ZNF555: variants seen among roughly 807,000 people sequenced by gnomAD.
The protein encoded by ZNF555 is zinc finger protein 555.
In ZNF555, 10 loss-of-function variants were observed where a neutral mutation model predicts 14.0. The observed-to-expected ratio is 0.72, with a 90% confidence interval of 0.44 to 1.21. The LOEUF is 1.21. Among genes scored for constraint, ZNF555 ranks in the 50% most tolerant of loss-of-function variants. The pLI is 0.00. For missense variants in ZNF555, 747 were observed against 762.0 expected (o/e 0.98, Z 0.23); for synonymous variants, 277 against 262.4 (o/e 1.06, Z -0.54).
At chr19:2,843,009 C>G (rs577621919) in intron 1 of ZNF555, among the ~76,000 whole-genome samples, 1 of 151,394 alleles carries the variant, frequency 6.6e-6, no homozygotes, top group Non-Finnish European at 1.5e-5. Context: ...CGCCATTGCA[C>G]TCCAGCCTGG....
chr19:2,851,642 G>A lies in ZNF555; in HGVS notation c.305G>A (p.Arg102Lys). Residue 102 changes from arginine (R) to lysine (K), a missense_variant, in exon 3 of 4, where the codon AGA becomes AAA. Physicochemically the swap from Arg to Lys is conservative, Grantham distance 26. Transcript: ENST00000334241. ...GAAGATCAAACCACAAACCAGGGGA[G>A]AAATCTCAGGTGAGTTGCACTCACA... is the stretch of plus-strand genomic sequence containing the variant. ...SIEDQTTNQGRNLSRNHGLER... is the reference protein window; with the variant it reads ...SIEDQTTNQGKNLSRNHGLER... The A allele has an allele frequency of 6.3e-7, 1 of 1,578,614 alleles. No homozygotes were observed. The highest frequency in any genetic ancestry group is 8.6e-7 in the Non-Finnish European group (1 of 1,166,378).
intron 1 of ZNF555, among the ~76,000 whole-genome samples, chr19:2,844,689 A>C (rs957209448): frequency 1.3e-5 from 2 of 152,220 alleles, no homozygotes; most frequent in Non-Finnish European, 2.9e-5. Flanking sequence ...CTCTATTGGG[A>C]TGAGAACCCT....
rs2144843969 is a variant in ZNF555 at position 2,844,584 on chromosome 19, C to T, written c.3+3009C>T. 1.3e-5 allele frequency among the ~76,000 whole-genome samples: 2 copies of T among 152,346 alleles called. 1 individual carries two copies. The highest frequency in any genetic ancestry group is 4.1e-4 in the South Asian group (2 of 4,832). On this transcript the variant is annotated intron_variant, in intron 1 of 3. Coordinates refer to ENST00000334241, the MANE Select transcript of ZNF555 (RefSeq NM_152791.5). Reference sequence around the variant, plus strand: ...CGGCTGGTCACAGAGGTCCCCTGTGCCTGGCTGTGCCAAGATTTCAGACAC... The same window carrying T: ...CGGCTGGTCACAGAGGTCCCCTGTGTCTGGCTGTGCCAAGATTTCAGACAC...
chr19:2,850,222 G>T (rs1337800378), intron 1 of ZNF555, among the ~76,000 whole-genome samples: 1 of 152,222 alleles, frequency 6.6e-6, no homozygotes, highest in African/African-American at 2.4e-5. Context: ...GAATGATGGT[G>T]TGTGCAGCAG....
rs1428468199 is a variant in ZNF555, at chr19:2,851,640, G to A, written c.303G>A (p.Gly101=). 14 of 1,581,108 alleles carry A rather than the reference G, an allele frequency of 8.9e-6. No individual in the cohort carries two copies. The highest frequency in any genetic ancestry group is 1.1e-5 in the Non-Finnish European group (13 of 1,167,704). ...TCGAAGATCAAACCACAAACCAGGG[G>A]AGAAATCTCAGGTGAGTTGCACTCA... The part of the protein sequence containing the change: ...LSIEDQTTNQ[G]RNLSRNHGLE... Residue 101 remains glycine, a synonymous_variant, in exon 3 of 4, where the codon GGG becomes GGA. Transcript: ENST00000334241.
chr19:2,846,585 C>G (rs1440023168), intron 1 of ZNF555, among the ~76,000 whole-genome samples: 1 of 152,196 alleles, frequency 6.6e-6, no homozygotes, highest in Non-Finnish European at 1.5e-5. Flanking sequence ...TAGCAGTGGA[C>G]ATAGTGAGGA....
intron 1 of ZNF555, among the ~76,000 whole-genome samples, chr19:2,846,232 A>G (rs1002580435): frequency 2.0e-5 from 3 of 152,222 alleles, no homozygotes; most frequent in Non-Finnish European, 4.4e-5. Context: ...CTTTGTGGGA[A>G]GTTCAGGAAC....
At position 2,853,694 on chromosome 19, in the gene ZNF555, G is replaced by T. The variant is rs774763801; in HGVS notation, c.1629G>T (p.Lys543Asn). ...EKPYECKECGKVFKWPSSLPI... is the reference protein window; with the variant it reads ...EKPYECKECGNVFKWPSSLPI... ...CCTATGAATGTAAGGAATGTGGGAA[G>T]GTCTTCAAATGGCCATCATCTTTAC... Residue 543 changes from lysine to asparagine, a missense_variant, in exon 4 of 4, where the codon AAG becomes AAT. Transcript: ENST00000334241. 1 of 1,576,262 alleles carries T rather than the reference G, an allele frequency of 6.3e-7. No individual in the cohort carries two copies. Among genetic ancestry groups the T allele is most frequent in the Admixed American group, 1.8e-5 (1 of 55,356 alleles).
At position 2,857,038 on chromosome 19, in the gene ZNF555, G is replaced by A. The variant is rs2087688826; in HGVS notation, c.*3086G>A. 6.6e-6 allele frequency: 1 copy of A among 152,186 alleles called. No homozygotes were observed. Among genetic ancestry groups the A allele is most frequent in the African/African-American group, 2.4e-5 (1 of 41,442 alleles). 9.4% of individuals were successfully genotyped at this position (152,186 alleles called of 1,614,324 possible). ...TTTAATGAGCCAGAAAGCCCCAAAAGCCTATTTAAGTTTTCTCAGGTATCA... is the reference window on the plus strand; with the variant it reads ...TTTAATGAGCCAGAAAGCCCCAAAAACCTATTTAAGTTTTCTCAGGTATCA... On this transcript the variant is annotated 3_prime_UTR_variant, in exon 4 of 4. Transcript: ENST00000334241.
rs1393050449 is a variant in ZNF555 at position 2,858,615 on chromosome 19, G to A, written c.*4663G>A. 2 of 152,234 alleles carry A rather than the reference G, an allele frequency of 1.3e-5. No homozygotes were observed. Among genetic ancestry groups the A allele is most frequent in the African/African-American group, 4.8e-5 (2 of 41,410 alleles). The allele number at this position is 152,234 out of a possible 1,614,324, so 9.4% of individuals were successfully genotyped here. ...CTTCATGCTGGGAAACGTCTTTATG[G>A]ATCCCCAAACTCCTCTTGCTGTTGG... On this transcript the variant is annotated 3_prime_UTR_variant, in exon 4 of 4. Coordinates refer to ENST00000334241, the MANE Select transcript of ZNF555 (RefSeq NM_152791.5).
rs1785362522 is a variant in ZNF555 at position 2,856,683 on chromosome 19, A to G, written c.*2731A>G. The G allele has an allele frequency of 6.6e-6, 1 of 152,234 alleles. No individual in the cohort carries two copies. 9.4% of individuals were successfully genotyped at this position (152,234 alleles called of 1,614,324 possible). ...CTGTGGCTTGTATCAGAGGGTGTTT[A>G]AAAGGATTTACTATCAGATTTGGCC... On this transcript the variant is annotated 3_prime_UTR_variant, in exon 4 of 4. Transcript: ENST00000334241.
In ZNF555 at chr19:2,859,830, T is replaced by C. The variant is rs2087717172; in HGVS notation, c.*5878T>C. On this transcript the variant is annotated 3_prime_UTR_variant, in exon 4 of 4. Coordinates refer to ENST00000334241, the MANE Select transcript of ZNF555 (RefSeq NM_152791.5). ...AACTCATTCTTTGATGTTCAGATGG[T>C]TGTGGCCCTCTGATGAGATGTGTGC... 6.6e-6 allele frequency: 1 copy of C among 152,214 alleles called. No individual in the cohort carries two copies. The highest frequency in any genetic ancestry group is 1.5e-5 in the Non-Finnish European group (1 of 68,044). The allele number at this position is 152,214 out of a possible 1,614,324, so 9.4% of individuals were successfully genotyped here.
chr19:2,850,319 A>G (rs2087618051), intron 1 of ZNF555, among the ~76,000 whole-genome samples: 1 of 152,242 alleles, frequency 6.6e-6, no homozygotes, highest in Non-Finnish European at 1.5e-5. Context: ...TTTGTTTGAT[A>G]TCTCCAATGT....
rs2087687465 is a variant in ZNF555 at position 2,856,885 on chromosome 19, A to T, written c.*2933A>T. ...CACAGCAGCCAGTCATATGGGGGAGAAGAGGGGAATGTTTGATGGTTTTTG... is the reference window on the plus strand; with the variant it reads ...CACAGCAGCCAGTCATATGGGGGAGTAGAGGGGAATGTTTGATGGTTTTTG... On this transcript the variant is annotated 3_prime_UTR_variant, in exon 4 of 4. Coordinates refer to ENST00000334241, the MANE Select transcript of ZNF555 (RefSeq NM_152791.5). 6.6e-6 allele frequency: 1 copy of T among 152,170 alleles called. No homozygotes were observed. Among genetic ancestry groups the T allele is most frequent in the South Asian group, 2.1e-4 (1 of 4,832 alleles). 9.4% of individuals were successfully genotyped at this position (152,170 alleles called of 1,614,324 possible). A position where few individuals can be genotyped will look rare whatever the true frequency, so the allele number is the denominator to read the frequency against.
At chr19:2,845,927 A>G (rs1201727279) in intron 1 of ZNF555, among the ~76,000 whole-genome samples, 1 of 152,160 alleles carries the variant, frequency 6.6e-6, no homozygotes, top group African/African-American at 2.4e-5. Flanking sequence ...GGTAAGTACA[A>G]AACAAGTCCA....
Position 2,852,658 on chromosome 19 carries a change from G to A in ZNF555, c.593G>A (p.Arg198Lys), listed in dbSNP as rs1465208932. 6.2e-7 allele frequency: 1 copy of A among 1,614,190 alleles called. No individual in the cohort carries two copies. ...CATGTGAGAACCCACAATGGAGAGA[G>A]ACCCTATGTGTGTAAATTATGTGGG... ...RMHVRTHNGE[R>K]PYVCKLCGKT... The change falls in exon 4 of 4, where the codon AGA (arginine) becomes AAA (lysine). Residue 198 changes from arginine (R) to lysine (K), a missense_variant. Transcript: ENST00000334241.
Position 2,854,314 on chromosome 19 carries a change from C to A in ZNF555, c.*362C>A. 4.6e-6 allele frequency: 1 copy of A among 217,028 alleles called. No individual in the cohort carries two copies. Among genetic ancestry groups the A allele is most frequent in the Non-Finnish European group, 9.2e-6 (1 of 108,792 alleles). The allele number at this position is 217,028 out of a possible 1,614,324, so 13.4% of individuals were successfully genotyped here. On this transcript the variant is annotated 3_prime_UTR_variant, in exon 4 of 4. Transcript: ENST00000334241. ...ATTCCATTTTTTAAGAAGTAGTTGGCAGAATTTTGTAATTATGCAAAGTTG... is the reference window on the plus strand; with the variant it reads ...ATTCCATTTTTTAAGAAGTAGTTGGAAGAATTTTGTAATTATGCAAAGTTG...
intron 1 of ZNF555, 34 bp downstream of exon 1, chr19:2,841,609 G>C: frequency 6.7e-7 from 1 of 1,486,376 alleles, no homozygotes; most frequent in South Asian, 1.3e-5. Context: ...CCCGGTGCGG[G>C]GCAGCAGGAA....
At chr19:2,848,391 A>G (rs1004303168) in intron 1 of ZNF555, among the ~76,000 whole-genome samples, 4 of 149,736 alleles carry the variant, frequency 2.7e-5, no homozygotes, top group African/African-American at 9.9e-5. Flanking sequence ...TGACCTCGTG[A>G]TCCACCTGCC....
Sources: gnomAD v4.1 joint callset for allele counts (sites outside exome capture counted in the v4.1 genomes callset) on GRCh38, gnomAD v4.1.1 for gene constraint, MANE v1.5 for transcripts, NCBI Gene and HGNC (gene_info 2026-07-23, HGNC 2026-07-21) for gene names.